Variants in AP3M2 observed in about 807,000 individuals in gnomAD.
AP3M2 encodes the protein AP-3 complex subunit mu-2.
In AP3M2, 28 loss-of-function variants were observed where a neutral mutation model predicts 41.6. The observed-to-expected ratio is 0.67, with a 90% CI of 0.50 to 0.92. AP3M2 has a LOEUF of 0.92. Ranked by LOEUF, AP3M2 falls within the 40% of genes least tolerant of loss-of-function variation. AP3M2 has a pLI of 0.00. For synonymous variants in AP3M2, 193 were observed against 186.4 expected (o/e 1.04, Z -0.29); for missense variants, 427 against 521.4 (o/e 0.82, Z 1.76).
At chr8:42,162,585 T>C (rs1375779717) in intron 4 of AP3M2, among the ~76,000 whole-genome samples, 167 bp downstream of exon 4, 2 of 152,144 alleles carry the variant, frequency 1.3e-5, no homozygotes, top group Non-Finnish European at 2.9e-5. Flanking sequence ...GTTAATATTA[T>C]GATGCAGACC....
At chr8:42,165,682 T>A in intron 6 of AP3M2, 122 bp downstream of exon 6, 1 of 1,266,240 alleles carries the variant, frequency 7.9e-7, no homozygotes, top group Non-Finnish European at 1.1e-6. Context: ...GCTTCTGTGG[T>A]TACTAATTGG....
At position 42,154,891 on chromosome 8, in the gene AP3M2, C is replaced by T. The variant is rs147548366; in HGVS notation, c.204C>T (p.Ala68=). 5.0e-4 allele frequency: 807 copies of T among 1,614,034 alleles called. No homozygotes were observed. The highest frequency in any genetic ancestry group is 6.4e-4 in the Non-Finnish European group (755 of 1,180,006). Residue 68 remains alanine (A), a synonymous_variant, in exon 2 of 9, where the codon GCC becomes GCT. Coordinates refer to ENST00000396926, the MANE Select transcript of AP3M2 (RefSeq NM_006803.4). ...ACCGCCACAAGATCTTTTTTGTGGC[C>T]GTGATCCAGACGGAGGTCCCCCCTC... ...SVYRHKIFFV[A]VIQTEVPPLF...
In AP3M2 at chr8:42,167,944, G is replaced by A. The variant is rs1804686841; in HGVS notation, c.1156+134G>A. 7.7e-6 allele frequency: 9 copies of A among 1,169,102 alleles called. No individual in the cohort carries two copies. The South Asian group carries it at 7.7e-5, about 10-fold the overall frequency. 72.4% of individuals were successfully genotyped at this position (1,169,102 alleles called of 1,614,324 possible). A position where few individuals can be genotyped will look rare whatever the true frequency, so the allele number is the denominator to read the frequency against. Reference sequence around the variant, plus strand: ...TTCATTACCTGATAAACAATCTTTAGTAACATCTTTTCTGGCATGTTTCTG... The same window carrying A: ...TTCATTACCTGATAAACAATCTTTAATAACATCTTTTCTGGCATGTTTCTG... On this transcript the variant is annotated intron_variant, in intron 8 of 8. Coordinates refer to ENST00000396926, the MANE Select transcript of AP3M2 (RefSeq NM_006803.4).
chr8:42,158,496 G>T (rs1471956011), intron 3 of AP3M2, among the ~76,000 whole-genome samples: 1 of 152,054 alleles, frequency 6.6e-6, no homozygotes, highest in Non-Finnish European at 1.5e-5. Context: ...GGATCCACCT[G>T]CCTCGGCCTC....
chr8:42,169,111 T>C lies in AP3M2; in HGVS notation c.*50T>C. The C allele has an allele frequency of 1.3e-6, 2 of 1,497,040 alleles. No individual in the cohort carries two copies. Among genetic ancestry groups the C allele is most frequent in the Non-Finnish European group, 1.8e-6 (2 of 1,088,938 alleles). The allele number at this position is 1,497,040 out of a possible 1,614,324, so 92.7% of individuals were successfully genotyped here. ...TCTTGCACATTTTTTCATTTCTTAC[T>C]TGTCTAAAAGTAAAAAAAAATATCA... On this transcript the variant is annotated 3_prime_UTR_variant, in exon 9 of 9. Transcript: ENST00000396926.
chr8:42,154,793 CAA>C lies in AP3M2; in HGVS notation c.107_108del (p.Gln36ArgfsTer5). 1 of 1,614,128 alleles carries C rather than the reference CAA, an allele frequency of 6.2e-7. No homozygotes were observed. The highest frequency in any genetic ancestry group is 8.5e-7 in the Non-Finnish European group (1 of 1,180,024). On this transcript the variant is annotated frameshift_variant, in exon 2 of 9. Coordinates refer to ENST00000396926, the MANE Select transcript of AP3M2 (RefSeq NM_006803.4). LOFTEE classifies it high-confidence loss of function. ...TGTTTGTGATTACTTTTTTGAGGCG[CAA>C]GAGAGAGCTACTGAGGCAGAAAATG... ...RSVCDYFFEA[Q>X]ERATEAENVP...
intron 3 of AP3M2, among the ~76,000 whole-genome samples, chr8:42,159,485 A>G (rs567223876): frequency 6.6e-6 from 1 of 152,210 alleles, no homozygotes; most frequent in African/African-American, 2.4e-5. Context: ...AAATCTTTTC[A>G]AGTATTTATT....
chr8:42,164,773 A>G (rs767532904), intron 4 of AP3M2, among the ~76,000 whole-genome samples: 17 of 152,248 alleles, frequency 1.1e-4, no homozygotes, highest in Non-Finnish European at 2.1e-4. Context: ...TAATTCTGAT[A>G]TTAGACTGAC....
intron 8 of AP3M2, 144 bp downstream of exon 8, chr8:42,167,954 T>C (rs188175656): frequency 1.9e-5 from 22 of 1,136,808 alleles, no homozygotes; most frequent in African/African-American, 1.9e-4. Flanking sequence ...GTAACATCTT[T>C]TCTGGCATGT....
intron 3 of AP3M2, among the ~76,000 whole-genome samples, chr8:42,160,426 A>G (rs1364405310): frequency 2.0e-5 from 3 of 152,164 alleles, no homozygotes; most frequent in African/African-American, 4.8e-5. Context: ...TGTTAACTAT[A>G]TTGTATTAGG....
intron 3 of AP3M2, among the ~76,000 whole-genome samples, chr8:42,158,755 A>G (rs989875066): frequency 6.6e-6 from 1 of 151,886 alleles, no homozygotes; most frequent in Non-Finnish European, 1.5e-5. Flanking sequence ...AACATGTGAT[A>G]TTTTATGAAC....
rs147855452 is a variant in AP3M2 at position 42,166,311 on chromosome 8, C to T, written c.803+751C>T. Among the ~76,000 whole-genome samples the T allele has an allele frequency of 3.6e-3, 546 of 152,076 alleles. 1 individual carries two copies. The highest frequency in any genetic ancestry group is 0.012 in the African/African-American group (516 of 41,476). On this transcript the variant is annotated intron_variant, in intron 6 of 8. Transcript: ENST00000396926. Reference sequence around the variant, plus strand: ...TCATACTTATTGGGAGGATTAAACACGGTAGGAGTTAAATGGATAGAAACC... The same window carrying T: ...TCATACTTATTGGGAGGATTAAACATGGTAGGAGTTAAATGGATAGAAACC...
intron 3 of AP3M2, among the ~76,000 whole-genome samples, chr8:42,160,543 A>G (rs1300142529): frequency 6.6e-6 from 1 of 152,258 alleles, no homozygotes. Context: ...TAATTATTAG[A>G]CAAAAACAGG....
At chr8:42,158,510 A>G (rs1403471200) in intron 3 of AP3M2, among the ~76,000 whole-genome samples, 2 of 152,194 alleles carry the variant, frequency 1.3e-5, no homozygotes, top group Non-Finnish European at 1.5e-5. Context: ...CGGCCTCCCA[A>G]AGTGCTGGGA....
Position 42,154,681 on chromosome 8 carries a change from C to A in AP3M2, c.-7C>A. The A allele has an allele frequency of 1.2e-5, 19 of 1,612,306 alleles. No homozygotes were observed. The highest frequency in any genetic ancestry group is 1.6e-5 in the Non-Finnish European group (19 of 1,178,970). On this transcript the variant is annotated 5_prime_UTR_variant, in exon 2 of 9. Transcript: ENST00000396926. ...AAGGCTTTCTTCTGTCACTGACAAT[C>A]GCCACCATGATCCATAGTCTTTTCT...
chr8:42,163,232 G>A (rs186655376), intron 4 of AP3M2, among the ~76,000 whole-genome samples: 2 of 152,276 alleles, frequency 1.3e-5, no homozygotes, highest in Admixed American at 1.3e-4. Flanking sequence ...ACTGCGGTGA[G>A]CTATGATTAT....
intron 3 of AP3M2, among the ~76,000 whole-genome samples, chr8:42,158,724 T>G (rs978329907): frequency 2.0e-5 from 3 of 151,990 alleles, no homozygotes; most frequent in Non-Finnish European, 4.4e-5. Flanking sequence ...CAAAAATTGC[T>G]TTTAATCCCA....
intron 2 of AP3M2, among the ~76,000 whole-genome samples, chr8:42,156,318 C>A (rs1661158935): frequency 1.3e-5 from 2 of 152,258 alleles, no homozygotes; most frequent in African/African-American, 4.8e-5. Flanking sequence ...GACTTCAGAG[C>A]TTGTTATTCT....
intron 8 of AP3M2, chr8:42,168,276 C>A: frequency 2.2e-6 from 1 of 455,566 alleles, no homozygotes; most frequent in South Asian, 1.6e-5. Context: ...CTGTGCCGAC[C>A]TTAGCACGGT....
Sources: gnomAD v4.1 joint callset for allele counts (sites outside exome capture counted in the v4.1 genomes callset) on GRCh38, gnomAD v4.1.1 for gene constraint, MANE v1.5 for transcripts, NCBI Gene and HGNC (gene_info 2026-07-23, HGNC 2026-07-21) for gene names.